The following TRIM14 variants were observed in gnomAD, a reference collection of about 807,000 sequenced individuals.
TRIM14 encodes tripartite motif-containing protein 14.
A neutral mutation model predicts 44.5 loss-of-function variants in TRIM14; 28 were observed. That is an observed-to-expected ratio of 0.63 (90% confidence interval 0.47 to 0.86). The LOEUF (loss-of-function observed/expected upper bound fraction) is 0.86, where lower values mean the gene tolerates loss of function less well. Ranked by LOEUF, TRIM14 falls within the 40% of genes least tolerant of loss-of-function variation. The pLI, the probability that TRIM14 is intolerant of heterozygous loss-of-function variation, is 0.00. For synonymous variants in TRIM14, 299 were observed against 269.2 expected (o/e 1.11, Z -1.08); for missense variants, 607 against 611.1 (o/e 0.99, Z 0.07).
intron 6 of TRIM14, among the ~76,000 whole-genome samples, chr9:98,071,037 T>G (rs1829318272): frequency 6.6e-6 from 1 of 151,944 alleles, no homozygotes; most frequent in Non-Finnish European, 1.5e-5. Context: ...GGTCTTAAAC[T>G]CTGGGCCTCA....
the TRIM14 span, among the ~76,000 whole-genome samples, chr9:98,042,069 G>A: frequency 2.0e-5 from 3 of 150,918 alleles, no homozygotes; most frequent in East Asian, 2.0e-4. Flanking sequence ...CTGAGGCGGC[G>A]GATCACAAGG....
chr9:98,073,652 A>G (rs1260569629), intron 6 of TRIM14, among the ~76,000 whole-genome samples: 2 of 151,626 alleles, frequency 1.3e-5, no homozygotes, highest in African/African-American at 4.8e-5. Context: ...GGACTTTAGA[A>G]AAATCTCAGC....
At chr9:98,113,996 TAAGTC>T (rs1482282064) in intron 1 of TRIM14, among the ~76,000 whole-genome samples, 1 of 152,220 alleles carries the variant, frequency 6.6e-6, no homozygotes, top group East Asian at 1.9e-4. Flanking sequence ...AAAATTAAAT[TAAGTC>T]TTTTTGACCC....
chr9:98,055,274 C>T, the TRIM14 span, among the ~76,000 whole-genome samples: 1 of 152,198 alleles, frequency 6.6e-6, no homozygotes, highest in African/African-American at 2.4e-5. Context: ...CCGCCTCAGC[C>T]TCCCAAAGTG....
At chr9:98,053,623 C>G in the TRIM14 span, among the ~76,000 whole-genome samples, 1 of 142,432 alleles carries the variant, frequency 7.0e-6, no homozygotes, top group African/African-American at 2.9e-5. Flanking sequence ...GTAGAGGAGA[C>G]AGTGATGTTT....
chr9:98,055,051 C>T, the TRIM14 span, among the ~76,000 whole-genome samples: 1 of 152,150 alleles, frequency 6.6e-6, no homozygotes, highest in South Asian at 2.1e-4. Flanking sequence ...TGGAGTTTCG[C>T]TCTTGTTGCC....
intron 6 of TRIM14, among the ~76,000 whole-genome samples, chr9:98,071,261 C>T (rs28489815): frequency 0.21 from 32,326 of 152,200 alleles, 3,659 homozygotes; most frequent in Admixed American, 0.27. Flanking sequence ...TACATACCCC[C>T]GACTGTATGA....
downstream of TRIM14, chr9:98,081,567 T>TGCA (rs1468249845): frequency 6.4e-6 from 1 of 157,188 alleles, no homozygotes; most frequent in Non-Finnish European, 1.4e-5. Flanking sequence ...TGGGTGATGA[T>TGCA]GCAGCTATTC....
the TRIM14 span, among the ~76,000 whole-genome samples, chr9:98,046,569 G>A: frequency 5.3e-5 from 8 of 151,950 alleles, no homozygotes; most frequent in Non-Finnish European, 1.0e-4. Flanking sequence ...AGCCTCCTGA[G>A]TAGCTGGGAT....
At chr9:98,103,016 C>A (rs1417757815) in intron 2 of TRIM14, among the ~76,000 whole-genome samples, 1 of 151,996 alleles carries the variant, frequency 6.6e-6, no homozygotes, top group African/African-American at 2.4e-5. Context: ...GAAACCCTGT[C>A]TCTACTAAAA....
chr9:98,087,739 G>T lies in TRIM14; in HGVS notation c.1060C>A (p.Arg354Ser). 3 of 1,569,096 alleles carry T rather than the reference G, an allele frequency of 1.9e-6. No individual in the cohort carries two copies. Among genetic ancestry groups the T allele is most frequent in the Non-Finnish European group, 2.6e-6 (3 of 1,166,624 alleles). The change falls in exon 6 of 6, where the codon CGC becomes AGC. Residue 354 changes from arginine (R) to serine (S), a missense_variant. Physicochemically the swap from Arg to Ser is moderately radical, Grantham distance 110 (BLOSUM62 -1). Coordinates refer to ENST00000341469, the MANE Select transcript of TRIM14 (RefSeq NM_014788.4). The part of the protein sequence containing the change: ...LRRRGASAAA[R>S]LGCNRQSWCL... ...CAGGACTGGCGGTTGCAGCCCAGGC[G>T]GGCGGCGGCCGAGGCCCCGCGGCGC... is the stretch of plus-strand genomic sequence containing the variant.
the TRIM14 span, among the ~76,000 whole-genome samples, chr9:98,058,053 G>C: frequency 3.3e-5 from 5 of 150,792 alleles, no homozygotes; most frequent in Non-Finnish European, 5.9e-5. Flanking sequence ...CTCCCGAGTA[G>C]CTGGGACCCA....
At chr9:98,112,452 CTG>C (rs1826885342) in intron 1 of TRIM14, among the ~76,000 whole-genome samples, 1 of 152,116 alleles carries the variant, frequency 6.6e-6, no homozygotes, top group South Asian at 2.1e-4. Context: ...TCTAGAAGGT[CTG>C]TGGAAGATTA....
At chr9:98,118,889 T>C (rs984252683) in intron 1 of TRIM14, 93 bp downstream of exon 1, 1 of 1,349,726 alleles carries the variant, frequency 7.4e-7, no homozygotes, top group African/African-American at 1.5e-5. Flanking sequence ...AACCCGCCAC[T>C]GGCCACGGCC....
At chr9:98,089,504 A>G (rs1433274702) in intron 5 of TRIM14, among the ~76,000 whole-genome samples, 1 of 152,206 alleles carries the variant, frequency 6.6e-6, no homozygotes, top group Non-Finnish European at 1.5e-5. Context: ...AAATGTAATT[A>G]TAACCATTAC....
downstream of TRIM14, among the ~76,000 whole-genome samples, chr9:98,083,796 G>A (rs760913065): frequency 4.6e-5 from 7 of 152,234 alleles, no homozygotes; most frequent in African/African-American, 9.6e-5. Context: ...AGGCGTGCTT[G>A]TGTGAGCCTG....
chr9:98,052,077 T>G, the TRIM14 span, among the ~76,000 whole-genome samples: 1 of 152,158 alleles, frequency 6.6e-6, no homozygotes, highest in East Asian at 1.9e-4. Flanking sequence ...CAAAGTAATT[T>G]TGGACAACCT....
At chr9:98,038,960 G>C in the TRIM14 span, among the ~76,000 whole-genome samples, 1 of 152,026 alleles carries the variant, frequency 6.6e-6, no homozygotes, top group African/African-American at 2.4e-5. Flanking sequence ...TGAGGCAGGA[G>C]AATCGCTTGA....
At chr9:98,058,585 G>A in the TRIM14 span, among the ~76,000 whole-genome samples, 6 of 152,168 alleles carry the variant, frequency 3.9e-5, no homozygotes, top group African/African-American at 1.4e-4. Context: ...TTTCCTCTTG[G>A]AATGCCGAAG....
Sources: allele counts gnomAD v4.1 joint callset (sites outside exome capture counted in the v4.1 genomes callset), GRCh38; gene constraint gnomAD v4.1.1; transcripts MANE v1.5; gene names NCBI Gene and HGNC (gene_info 2026-07-23, HGNC 2026-07-21).